Variants in DOCK10 observed in about 807,000 individuals in gnomAD.
The protein encoded by DOCK10 is dedicator of cytokinesis protein 10.
Under a neutral mutation model 280.1 loss-of-function variants are expected in DOCK10, and 145 were observed. The observed-to-expected ratio is 0.52, with a 90% CI of 0.45 to 0.59. The LOEUF (loss-of-function observed/expected upper bound fraction) is 0.59. Ranked by LOEUF, DOCK10 falls within the 20% of genes least tolerant of loss-of-function variation. The pLI, the probability that DOCK10 is intolerant of heterozygous loss-of-function variation, is 0.00. For synonymous variants in DOCK10, 915 were observed against 942.2 expected, an observed-to-expected ratio of 0.97 and a Z score of 0.53; for missense variants, 2,368 against 2,651.7, an observed-to-expected ratio of 0.89 and a Z score of 2.35.
At chr2:224,853,501 T>C (rs754478388) in intron 16 of DOCK10, among the ~76,000 whole-genome samples, 8 of 152,242 alleles carry the variant, frequency 5.3e-5, no homozygotes, top group Non-Finnish European at 1.2e-4. Context: ...CATATTCTGA[T>C]ACATGACTGA....
intron 1 of DOCK10, among the ~76,000 whole-genome samples, chr2:225,037,303 A>C (rs1575179605): frequency 6.6e-6 from 1 of 152,206 alleles, no homozygotes; most frequent in Non-Finnish European, 1.5e-5. Flanking sequence ...AATTAAGGGT[A>C]CCTGGAGCAG....
chr2:224,935,763 T>C (rs1702651811), intron 1 of DOCK10, among the ~76,000 whole-genome samples: 1 of 152,184 alleles, frequency 6.6e-6, no homozygotes, highest in Non-Finnish European at 1.5e-5. Context: ...ATTTAAAGCA[T>C]CAGTATTATA....
chr2:224,957,290 C>CCCA (rs1553622527), intron 1 of DOCK10, among the ~76,000 whole-genome samples: 1 of 146,602 alleles, frequency 6.8e-6, no homozygotes, highest in Non-Finnish European at 1.5e-5. Flanking sequence ...TTTCCGCCCC[C>CCCA]CCCCGGCTTT....
intron 24 of DOCK10, 30 bp downstream of exon 24, chr2:224,839,924 T>A: frequency 1.0e-6 from 1 of 973,680 alleles, no homozygotes. Context: ...CATTATAAAG[T>A]CTCTCCTCTT....
At chr2:224,837,325 A>G (rs557951393) in intron 25 of DOCK10, among the ~76,000 whole-genome samples, 8 of 152,242 alleles carry the variant, frequency 5.3e-5, no homozygotes, top group Non-Finnish European at 1.0e-4. Flanking sequence ...AGCAGGTACA[A>G]ATATACAGTA....
At chr2:225,015,215 TA>T (rs1340425070) in intron 1 of DOCK10, among the ~76,000 whole-genome samples, 12 of 152,246 alleles carry the variant, frequency 7.9e-5, no homozygotes, top group Admixed American at 3.9e-4. Context: ...AGTATAAACA[TA>T]AAAAACACTT....
At chr2:225,029,266 G>C (rs751115477) in intron 1 of DOCK10, among the ~76,000 whole-genome samples, 30 of 152,194 alleles carry the variant, frequency 2.0e-4, no homozygotes, top group Non-Finnish European at 4.4e-4. Flanking sequence ...CTGCCTCCCA[G>C]GTTCAAATGA....
At chr2:224,875,944 A>T in intron 8 of DOCK10, 94 bp downstream of exon 8, 1 of 1,290,178 alleles carries the variant, frequency 7.8e-7, no homozygotes, top group Non-Finnish European at 1.1e-6. Flanking sequence ...GATGAGCTAG[A>T]CCAGACAGCA....
chr2:224,940,264 C>T (rs954331509), intron 1 of DOCK10, among the ~76,000 whole-genome samples: 1 of 152,236 alleles, frequency 6.6e-6, no homozygotes, highest in Non-Finnish European at 1.5e-5. Flanking sequence ...GTCCATTCCT[C>T]GTTCTTTTCT....
rs140696575 is a variant in DOCK10 at position 224,933,049 on chromosome 2, G to T, written c.124-1381C>A. ...GCCAGGTGAATATTCTGTCTAGAAG[G>T]TCCTTCCAGAAAGATGGCTAGTTTA... On this transcript the variant is annotated intron_variant, in intron 1 of 55. Coordinates refer to ENST00000258390, the MANE Select transcript of DOCK10 (RefSeq NM_014689.3). Among the ~76,000 whole-genome samples, 4 of 152,150 alleles carry T rather than the reference G, an allele frequency of 2.6e-5. No homozygotes were observed. In the South Asian group the frequency reaches 8.3e-4, roughly 31 times the overall value.
intron 1 of DOCK10, among the ~76,000 whole-genome samples, chr2:224,932,818 G>A (rs1308845941): frequency 1.3e-5 from 2 of 152,120 alleles, no homozygotes; most frequent in Non-Finnish European, 2.9e-5. Flanking sequence ...CTTCTGATAA[G>A]GCCCTAGGAA....
chr2:225,035,006 C>A (rs1445142335), intron 1 of DOCK10, among the ~76,000 whole-genome samples: 1 of 152,130 alleles, frequency 6.6e-6, no homozygotes, highest in Non-Finnish European at 1.5e-5. Context: ...GTTGTGAGAA[C>A]TCTGGGACAA....
chr2:224,909,538 C>T (rs1025175950), intron 3 of DOCK10, among the ~76,000 whole-genome samples: 1 of 152,174 alleles, frequency 6.6e-6, no homozygotes, highest in Non-Finnish European at 1.5e-5. Context: ...TCCAGTCAGG[C>T]TAGTGAGCAT....
At chr2:224,906,565 A>G (rs1428943627) in intron 3 of DOCK10, among the ~76,000 whole-genome samples, 3 of 151,936 alleles carry the variant, frequency 2.0e-5, no homozygotes, top group Non-Finnish European at 4.4e-5. Flanking sequence ...TGCAAGCTCC[A>G]CCTCCTGGAT....
At chr2:224,798,968 A>T (rs1382562149) in intron 41 of DOCK10, among the ~76,000 whole-genome samples, 1 of 152,148 alleles carries the variant, frequency 6.6e-6, no homozygotes, top group East Asian at 1.9e-4. Flanking sequence ...CTAGGTGTTT[A>T]AGCTCATTTG....
chr2:224,953,327 C>T (rs184529186), intron 1 of DOCK10, among the ~76,000 whole-genome samples: 6 of 152,292 alleles, frequency 3.9e-5, no homozygotes, highest in Non-Finnish European at 5.9e-5. Context: ...CAGTAGATTT[C>T]CCCATTTGCC....
chr2:224,848,141 C>A (rs1023171176), intron 19 of DOCK10, among the ~76,000 whole-genome samples: 3 of 152,212 alleles, frequency 2.0e-5, no homozygotes, highest in African/African-American at 7.2e-5. Flanking sequence ...CCTAGAACCT[C>A]CTGAAGGTTC....
intron 1 of DOCK10, among the ~76,000 whole-genome samples, chr2:225,015,016 C>T (rs985959334): frequency 4.7e-4 from 72 of 152,188 alleles, no homozygotes; most frequent in African/African-American, 1.5e-3. Flanking sequence ...TGACTGACCT[C>T]TATCATCTGC....
intron 2 of DOCK10, among the ~76,000 whole-genome samples, chr2:224,918,299 TGA>T (rs1055107939): frequency 2.6e-5 from 4 of 151,776 alleles, no homozygotes; most frequent in Non-Finnish European, 4.4e-5. Flanking sequence ...CATAAGAGGA[TGA>T]GAGTGTGTGG....
Sources: gnomAD v4.1 joint callset for allele counts (sites outside exome capture counted in the v4.1 genomes callset) on GRCh38, gnomAD v4.1.1 for gene constraint, MANE v1.5 for transcripts, NCBI Gene and HGNC (gene_info 2026-07-23, HGNC 2026-07-21) for gene names.